CCAR1: variants seen among roughly 807,000 people sequenced by gnomAD.
CCAR1 encodes cell division cycle and apoptosis regulator protein 1.
In CCAR1, 78 loss-of-function variants were observed where a neutral mutation model predicts 163.8. The observed-to-expected ratio is 0.48, with a 90% confidence interval of 0.40 to 0.57. The LOEUF (loss-of-function observed/expected upper bound fraction) is 0.57, where lower values mean the gene tolerates loss of function less well. CCAR1 is among the 20% of genes least tolerant of loss of function. The probability of loss-of-function intolerance (pLI) is 0.00; values close to 1 mark genes in which losing one functional copy is unlikely to be tolerated. For synonymous variants in CCAR1, 443 were observed against 460.7 expected, an observed-to-expected ratio of 0.96 and a Z score of 0.49; for missense variants, 1,019 against 1,365.2, an observed-to-expected ratio of 0.75 and a Z score of 4.00.
chr10:68,789,141 C>T (rs1418853295), intron 23 of CCAR1, among the ~76,000 whole-genome samples: 3 of 151,684 alleles, frequency 2.0e-5, no homozygotes, highest in Non-Finnish European at 4.4e-5. Context: ...GATCTCCTGA[C>T]CTCGTGATCC....
intron 19 of CCAR1, among the ~76,000 whole-genome samples, chr10:68,777,083 A>G (rs968367111): frequency 6.6e-6 from 1 of 152,112 alleles, no homozygotes; most frequent in Non-Finnish European, 1.5e-5. Flanking sequence ...GTCATCCTTG[A>G]TTCCTTTCTT....
intron 10 of CCAR1, 90 bp from the exon 11 acceptor site, chr10:68,753,762 C>T (rs935462116): frequency 2.1e-6 from 2 of 931,414 alleles, no homozygotes; most frequent in African/African-American, 3.3e-5. Flanking sequence ...TTACTTTTTA[C>T]TATATCCAGT....
intron 2 of CCAR1, among the ~76,000 whole-genome samples, chr10:68,733,274 G>A (rs2056065000): frequency 6.6e-6 from 1 of 151,926 alleles, no homozygotes; most frequent in African/African-American, 2.4e-5. Flanking sequence ...AGTCAGGCAT[G>A]GTGGAATGTG....
intron 2 of CCAR1, among the ~76,000 whole-genome samples, chr10:68,734,611 T>G (rs2056083451): frequency 6.6e-6 from 1 of 152,138 alleles, no homozygotes; most frequent in South Asian, 2.1e-4. Context: ...GTGATTCTCG[T>G]GCCTCAGCCT....
At chr10:68,770,260 A>C (rs1264561295) in intron 17 of CCAR1, among the ~76,000 whole-genome samples, 1 of 152,176 alleles carries the variant, frequency 6.6e-6, no homozygotes, top group Non-Finnish European at 1.5e-5. Flanking sequence ...CAGCCCTAGA[A>C]CCAGAATAGG....
At chr10:68,763,496 G>A (rs1159068507) in intron 16 of CCAR1, among the ~76,000 whole-genome samples, 1 of 152,066 alleles carries the variant, frequency 6.6e-6, no homozygotes, top group Non-Finnish European at 1.5e-5. Context: ...TGCCCAGGCT[G>A]CAGTGGAGTG....
rs774486246 is a variant in CCAR1 at position 68,771,260 on chromosome 10, C to G, written c.2353C>G (p.Arg785Gly). Residue 785 changes from arginine (R) to glycine (G), a missense_variant, in exon 18 of 25, where the codon CGT (arginine) becomes GGT (glycine). This residue lies in a region of CCAR1 where 17 missense variants were observed against 36.6 expected (regional missense o/e 0.47). Coordinates refer to ENST00000265872, the MANE Select transcript of CCAR1 (RefSeq NM_018237.4). Reference protein sequence around the residue: ...NEMLQRDFGVRIYKSLLSLPE... With the variant: ...NEMLQRDFGVGIYKSLLSLPE... ...AATGCTTCAAAGAGATTTTGGTGTC[C>G]GTATATACAAATCATTACTGTCTCT... 5.0e-6 allele frequency: 8 copies of G among 1,599,278 alleles called. No individual in the cohort carries two copies. The highest frequency in any genetic ancestry group is 6.8e-6 in the Non-Finnish European group (8 of 1,175,102).
At chr10:68,785,437 G>T (rs2056785642) in intron 19 of CCAR1, among the ~76,000 whole-genome samples, 1 of 149,894 alleles carries the variant, frequency 6.7e-6, no homozygotes, top group African/African-American at 2.5e-5. Context: ...GCACTGGCTG[G>T]TTTAAAACTC....
At chr10:68,744,692 G>A (rs192320628) in intron 6 of CCAR1, among the ~76,000 whole-genome samples, 1 of 152,168 alleles carries the variant, frequency 6.6e-6, no homozygotes, top group African/African-American at 2.4e-5. Flanking sequence ...TTAGTCTTGG[G>A]TTATAAAAGT....
intron 17 of CCAR1, among the ~76,000 whole-genome samples, chr10:68,766,518 G>T (rs147348891): frequency 3.2e-4 from 48 of 148,412 alleles, no homozygotes; most frequent in African/African-American, 1.1e-3. Context: ...AAATCTCTTT[G>T]AATGCCTCTT....
Position 68,737,862 on chromosome 10 carries a change from G to A in CCAR1, c.264G>A (p.Gln88=). 6.3e-7 allele frequency: 1 copy of A among 1,592,742 alleles called. No individual in the cohort carries two copies. The highest frequency in any genetic ancestry group is 8.5e-7 in the Non-Finnish European group (1 of 1,172,866). ...TCTTTCAGCAATATTCACAACCTCAGCAGGCCCTGTATAGTGTGCAACAAC... is the reference window on the plus strand; with the variant it reads ...TCTTTCAGCAATATTCACAACCTCAACAGGCCCTGTATAGTGTGCAACAAC... ...AALQQQYSQP[Q]QALYSVQQQL... is the part of the protein sequence containing the mutation. Residue 88 remains glutamine, a synonymous_variant, in exon 4 of 25, where the codon CAG becomes CAA. Coordinates refer to ENST00000265872, the MANE Select transcript of CCAR1 (RefSeq NM_018237.4).
chr10:68,763,139 A>G (rs2056494175), intron 16 of CCAR1, among the ~76,000 whole-genome samples: 1 of 151,460 alleles, frequency 6.6e-6, no homozygotes, highest in Admixed American at 6.6e-5. Context: ...TTTATTTTTT[A>G]ACTTTATTTG....
chr10:68,752,017 C>T (rs1469109594), intron 10 of CCAR1, among the ~76,000 whole-genome samples: 35 of 148,848 alleles, frequency 2.4e-4, no homozygotes, highest in Middle Eastern at 3.4e-3. Context: ...CCCGGGTTCA[C>T]GCCATTCTCC....
At chr10:68,733,654 T>C (rs2056070128) in intron 2 of CCAR1, among the ~76,000 whole-genome samples, 1 of 151,994 alleles carries the variant, frequency 6.6e-6, no homozygotes, top group South Asian at 2.1e-4. Flanking sequence ...AATAAGAATT[T>C]TTAAAATTTA....
intron 19 of CCAR1, among the ~76,000 whole-genome samples, chr10:68,780,632 G>A (rs899456434): frequency 1.3e-5 from 2 of 152,042 alleles, no homozygotes; most frequent in Non-Finnish European, 2.9e-5. Context: ...AGTGCCTTAC[G>A]CCAAGCAAGC....
At chr10:68,743,132 C>T (rs1253346470) in intron 6 of CCAR1, among the ~76,000 whole-genome samples, 1 of 151,888 alleles carries the variant, frequency 6.6e-6, no homozygotes, top group African/African-American at 2.4e-5. Flanking sequence ...CAGAGTGTCA[C>T]CATGTTGGGC....
intron 8 of CCAR1, among the ~76,000 whole-genome samples, chr10:68,748,401 A>G (rs1054095748): frequency 1.3e-5 from 2 of 151,770 alleles, no homozygotes; most frequent in African/African-American, 2.4e-5. Flanking sequence ...ACTCTGTCTC[A>G]AAAAAAAGAG....
intron 2 of CCAR1, among the ~76,000 whole-genome samples, chr10:68,726,030 T>C (rs2055939370): frequency 6.6e-6 from 1 of 151,476 alleles, no homozygotes; most frequent in African/African-American, 2.4e-5. Flanking sequence ...TGAAGATCGC[T>C]TAAACCTTGG....
In CCAR1 at chr10:68,762,099, G is replaced by C. The variant is rs188684771; in HGVS notation, c.2106+907G>C. On this transcript the variant is annotated intron_variant, in intron 16 of 24. Transcript: ENST00000265872. ...AATCCCAGCACTTTGGGAGGCCGAG[G>C]TGGGCGGATCACGAGGTCAGGAGAT... Among the ~76,000 whole-genome samples the C allele has an allele frequency of 2.9e-3, 448 of 151,970 alleles. 2 individuals are homozygous for C. The highest frequency in any genetic ancestry group is 0.01 in the African/African-American group (430 of 41,470).
Sources: gnomAD v4.1 joint callset for allele counts (sites outside exome capture counted in the v4.1 genomes callset) on GRCh38, gnomAD v4.1.1 for gene constraint, gnomAD v4.1.1 regional missense constraint, MANE v1.5 for transcripts, NCBI Gene and HGNC (gene_info 2026-07-23, HGNC 2026-07-21) for gene names.